The following TRIM24 variants were observed in gnomAD, a reference collection of about 807,000 sequenced individuals.
TRIM24 encodes tripartite motif containing 24.
In TRIM24, 29 loss-of-function variants were observed where a neutral mutation model predicts 123.9. The observed-to-expected ratio is 0.23, with a 90% confidence interval of 0.17 to 0.32. The LOEUF (loss-of-function observed/expected upper bound fraction) is 0.32. TRIM24 is among the 10% of genes least tolerant of loss of function. TRIM24 has a pLI of 1.00. For synonymous variants in TRIM24, 456 were observed against 461.1 expected, an observed-to-expected ratio of 0.99 and a Z score of 0.14; for missense variants, 932 against 1,295.3, an observed-to-expected ratio of 0.72 and a Z score of 4.31.
At chr7:138,499,418 C>T (rs1795984644) in intron 1 of TRIM24, among the ~76,000 whole-genome samples, 1 of 152,134 alleles carries the variant, frequency 6.6e-6, no homozygotes, top group Admixed American at 6.5e-5. Flanking sequence ...TTTTATTACC[C>T]ACAGATGGGC....
chr7:138,481,977 A>G (rs964852312), intron 1 of TRIM24, among the ~76,000 whole-genome samples: 1 of 152,068 alleles, frequency 6.6e-6, no homozygotes, highest in African/African-American at 2.4e-5. Flanking sequence ...AAATAGTACC[A>G]TTCTTTTCCC....
chr7:138,555,353 T>C (rs898820082), intron 9 of TRIM24, among the ~76,000 whole-genome samples: 8 of 152,168 alleles, frequency 5.3e-5, no homozygotes, highest in Non-Finnish European at 1.0e-4. Flanking sequence ...GTAAACCACA[T>C]TGCATCTTAG....
intron 1 of TRIM24, among the ~76,000 whole-genome samples, chr7:138,477,305 CAG>C (rs1422459309): frequency 9.9e-5 from 15 of 152,004 alleles, no homozygotes; most frequent in Non-Finnish European, 1.6e-4. Context: ...GGGAGACAAA[CAG>C]AGACTCCACC....
intron 2 of TRIM24, among the ~76,000 whole-genome samples, chr7:138,510,448 G>A (rs547520691): frequency 1.3e-5 from 2 of 152,214 alleles, no homozygotes; most frequent in South Asian, 2.1e-4. Context: ...AAGAGAAGGA[G>A]TCTCACTCTG....
intron 1 of TRIM24, among the ~76,000 whole-genome samples, chr7:138,500,110 GCAGT>G (rs906453604): frequency 1.3e-5 from 2 of 152,056 alleles, no homozygotes; most frequent in Non-Finnish European, 2.9e-5. Flanking sequence ...GTGGAGCTAG[GCAGT>G]CAAAGAAGTG....
At chr7:138,527,802 G>A (rs1192663317) in intron 5 of TRIM24, among the ~76,000 whole-genome samples, 1 of 152,184 alleles carries the variant, frequency 6.6e-6, no homozygotes, top group East Asian at 1.9e-4. Flanking sequence ...AGACTGGAGA[G>A]ACCAGTAGGT....
At chr7:138,464,819 A>G (rs1032978255) in intron 1 of TRIM24, among the ~76,000 whole-genome samples, 2 of 152,212 alleles carry the variant, frequency 1.3e-5, no homozygotes, top group Non-Finnish European at 2.9e-5. Flanking sequence ...AAAAAAATTT[A>G]GATTTTTAGG....
At chr7:138,533,844 C>T (rs1253610857) in intron 6 of TRIM24, among the ~76,000 whole-genome samples, 1 of 152,140 alleles carries the variant, frequency 6.6e-6, no homozygotes, top group Non-Finnish European at 1.5e-5. Context: ...CCATCTGGTC[C>T]TAGACTTTTT....
At chr7:138,502,029 G>C (rs1418102973) in intron 1 of TRIM24, among the ~76,000 whole-genome samples, 1 of 152,160 alleles carries the variant, frequency 6.6e-6, no homozygotes, top group African/African-American at 2.4e-5. Flanking sequence ...TTCTGGTAGA[G>C]ATGTAAATTT....
chr7:138,460,424 C>G lies in TRIM24; in HGVS notation c.-125C>G. On this transcript the variant is annotated 5_prime_UTR_variant, in exon 1 of 19. Transcript: ENST00000343526. ...CCCGCCCGGTTTGCTTTCCCTCCCT[C>G]GCTGGCGCTGCCGCGAGTCCACCGA... 1 of 1,079,724 alleles carries G rather than the reference C, an allele frequency of 9.3e-7. No individual in the cohort carries two copies. Among genetic ancestry groups the G allele is most frequent in the Non-Finnish European group, 1.2e-6 (1 of 847,078 alleles). The allele number at this position is 1,079,724 out of a possible 1,614,324, so 66.9% of individuals were successfully genotyped here.
intron 2 of TRIM24, among the ~76,000 whole-genome samples, chr7:138,508,607 T>G (rs1796198845): frequency 6.6e-6 from 1 of 152,094 alleles, no homozygotes; most frequent in South Asian, 2.1e-4. Context: ...TAGTTGCCAA[T>G]TTTTAGAGCA....
rs1797268499 is a variant in TRIM24 at position 138,554,170 on chromosome 7, A to G, written c.1262-528A>G. ...CCACTCCTAGGTTCCTTAACGCAGA[A>G]CTCCAAACACACATTCTTCTTAGGC... is the stretch of plus-strand genomic sequence containing the variant. On this transcript the variant is annotated intron_variant, in intron 8 of 18. Coordinates refer to ENST00000343526, the MANE Select transcript of TRIM24 (RefSeq NM_015905.3). This position sits in a 1 kb window ranked among gnomAD's most constrained non-coding sequence, Gnocchi z 4.5. Among the ~76,000 whole-genome samples, 1 of 152,078 alleles carries G rather than the reference A, an allele frequency of 6.6e-6. No individual in the cohort carries two copies. Among genetic ancestry groups the G allele is most frequent in the Non-Finnish European group, 1.5e-5 (1 of 68,016 alleles).
At chr7:138,541,239 T>C (rs1438215395) in intron 7 of TRIM24, among the ~76,000 whole-genome samples, 1 of 151,964 alleles carries the variant, frequency 6.6e-6, no homozygotes, top group African/African-American at 2.4e-5. Context: ...ACTTGAGGCT[T>C]GGAGTTCGAG....
Position 138,577,583 on chromosome 7 carries a change from C to A in TRIM24, c.2251C>A (p.Gln751Lys), listed in dbSNP as rs2116684503. 6.3e-7 allele frequency: 1 copy of A among 1,598,448 alleles called. No individual in the cohort carries two copies. The highest frequency in any genetic ancestry group is 8.5e-7 in the Non-Finnish European group (1 of 1,173,184). Reference protein sequence around the residue: ...KQESDEESRPQNANYPRSILT... With the variant: ...KQESDEESRPKNANYPRSILT... ...AGAATCAGATGAAGAATCTAGGCCT[C>A]AAAATGTAATTATGAATGCTTGCAA... Residue 751 changes from glutamine (Q) to lysine (K), a missense_variant, in exon 14 of 19, where the codon CAA (glutamine) becomes AAA (lysine). This residue lies in a region of TRIM24 where 527 missense variants were observed against 691.3 expected (regional missense o/e 0.76). Coordinates refer to ENST00000343526, the MANE Select transcript of TRIM24 (RefSeq NM_015905.3).
intron 13 of TRIM24, 123 bp downstream of exon 13, chr7:138,576,568 T>G (rs900906299): frequency 7.2e-6 from 5 of 699,112 alleles, no homozygotes; most frequent in African/African-American, 2.1e-5. Context: ...TTAATTAAAA[T>G]TTTAATAACT....
intron 2 of TRIM24, among the ~76,000 whole-genome samples, chr7:138,512,017 G>A (rs1374565908): frequency 2.0e-5 from 3 of 152,120 alleles, no homozygotes; most frequent in Admixed American, 6.5e-5. Flanking sequence ...TGGAGAAATC[G>A]GCCAAAAGAA....
chr7:138,464,267 A>T (rs1195486262), intron 1 of TRIM24, among the ~76,000 whole-genome samples: 1 of 151,906 alleles, frequency 6.6e-6, no homozygotes, highest in African/African-American at 2.4e-5. Flanking sequence ...AAGTGCTGGG[A>T]TTACAGGTGT....
At chr7:138,542,117 C>T (rs554331545) in intron 7 of TRIM24, among the ~76,000 whole-genome samples, 140 of 152,316 alleles carry the variant, frequency 9.2e-4, no homozygotes, top group Non-Finnish European at 1.6e-3. Flanking sequence ...TTGGCATTCT[C>T]TTCATTCATG....
chr7:138,543,196 C>A (rs938015832), intron 7 of TRIM24, among the ~76,000 whole-genome samples: 1 of 152,052 alleles, frequency 6.6e-6, no homozygotes, highest in African/African-American at 2.4e-5. Context: ...TTAATTTACA[C>A]AATGAACTGT....
Sources: gnomAD v4.1 joint callset for allele counts (sites outside exome capture counted in the v4.1 genomes callset) on GRCh38, gnomAD v4.1.1 for gene constraint, gnomAD v4.1.1 regional missense constraint, Gnocchi (gnomAD v3.1) non-coding constraint, MANE v1.5 for transcripts, NCBI Gene and HGNC (gene_info 2026-07-23, HGNC 2026-07-21) for gene names.